The following DOCK1 variants were observed in gnomAD, a reference collection of about 807,000 sequenced individuals.
DOCK1 encodes the protein dedicator of cytokinesis protein 1.
DOCK1 carries 138 observed loss-of-function variants against 262.7 expected under a neutral mutation model. The observed-to-expected ratio is 0.53, with a 90% CI of 0.46 to 0.61. The LOEUF (loss-of-function observed/expected upper bound fraction) is 0.61, where lower values mean the gene tolerates loss of function less well. Among genes scored for constraint, DOCK1 ranks in the 20% least tolerant of loss-of-function variants. DOCK1 has a pLI of 0.00. For missense variants in DOCK1, 1,908 were observed against 2,370.7 expected, an observed-to-expected ratio of 0.80 and a Z score of 4.05; for synonymous variants, 866 against 867.4, an observed-to-expected ratio of 1.00 and a Z score of 0.03.
At chr10:126,928,237 C>G (rs1338869574) in intron 1 of DOCK1, among the ~76,000 whole-genome samples, 1 of 152,216 alleles carries the variant, frequency 6.6e-6, no homozygotes, top group Non-Finnish European at 1.5e-5. Flanking sequence ...ACAGCATGAG[C>G]TCGTGGGACC....
chr10:127,434,044 C>G (rs1483049974), intron 48 of DOCK1, among the ~76,000 whole-genome samples: 3 of 152,062 alleles, frequency 2.0e-5, no homozygotes. Context: ...CGGACAGGAG[C>G]TGGTGTGGTC....
chr10:127,215,064 G>A (rs1200364457), intron 27 of DOCK1, among the ~76,000 whole-genome samples: 1 of 151,960 alleles, frequency 6.6e-6, no homozygotes, highest in African/African-American at 2.4e-5. Context: ...TTCACCCAGG[G>A]CCTCCCTTTG....
At chr10:127,355,361 A>AG (rs2064095014) in intron 32 of DOCK1, among the ~76,000 whole-genome samples, 1 of 152,186 alleles carries the variant, frequency 6.6e-6, no homozygotes, top group South Asian at 2.1e-4. Context: ...ACTGACAATA[A>AG]CTTGGTATCT....
chr10:127,267,228 A>C (rs1486050676), intron 29 of DOCK1, among the ~76,000 whole-genome samples: 1 of 152,188 alleles, frequency 6.6e-6, no homozygotes, highest in African/African-American at 2.4e-5. Context: ...AGCCCACTGC[A>C]CCTTGGGATG....
chr10:127,361,990 T>A (rs1192307286), intron 32 of DOCK1, 74 bp from the exon 33 acceptor site: 4 of 1,436,846 alleles, frequency 2.8e-6, no homozygotes, highest in Non-Finnish European at 2.8e-6. Flanking sequence ...TGTGTTGTGT[T>A]GTTTTATCCA....
intron 19 of DOCK1, among the ~76,000 whole-genome samples, chr10:127,038,538 A>G (rs1193001232): frequency 6.6e-6 from 1 of 152,144 alleles, no homozygotes; most frequent in Non-Finnish European, 1.5e-5. Context: ...TGCCATCAGC[A>G]TTCGTACTAG....
chr10:127,191,261 C>T (rs1291714856), intron 27 of DOCK1, among the ~76,000 whole-genome samples: 1 of 152,098 alleles, frequency 6.6e-6, no homozygotes, highest in Non-Finnish European at 1.5e-5. Flanking sequence ...CACTTCCTTG[C>T]CACCTCCTCC....
Position 127,353,806 on chromosome 10 carries a change from C to G in DOCK1, c.3225-863C>G, listed in dbSNP as rs184269245. The stretch of plus-strand genomic sequence containing the variant: ...GGTGCTTAGGGCACCAGAGTCTTCT[C>G]TAATAAGGTGGCAGCTGGCCGCGGT... On this transcript the variant is annotated intron_variant, in intron 31 of 51. Coordinates refer to ENST00000623213, the MANE Select transcript of DOCK1 (RefSeq NM_001290223.2). Among the ~76,000 whole-genome samples the G allele has an allele frequency of 3.9e-5, 6 of 152,290 alleles. No homozygotes were observed. In the East Asian group the frequency reaches 1.2e-3, roughly 29 times the overall value.
chr10:127,447,681 T>C (rs912508602), intron 51 of DOCK1, 136 bp downstream of exon 51: 5 of 1,383,002 alleles, frequency 3.6e-6, no homozygotes, highest in Non-Finnish European at 4.8e-6. Context: ...TGGGCCCGGG[T>C]TTGATTTTGC....
chr10:127,352,321 T>A (rs973539195), intron 31 of DOCK1, among the ~76,000 whole-genome samples: 1 of 7,764 alleles, frequency 1.3e-4, no homozygotes, highest in Non-Finnish European at 2.5e-4. Flanking sequence ...CGGGGAGGGG[T>A]GGGGAGGGGC....
In DOCK1 at chr10:127,127,854, C is replaced by T. The variant is rs548010157; in HGVS notation, c.2847+90C>T. 172 of 1,083,488 alleles carry T rather than the reference C, an allele frequency of 1.6e-4. 1 individual carries two copies. In the African/African-American group the frequency reaches 2.3e-3, roughly 15 times the overall value. 67.1% of individuals were successfully genotyped at this position (1,083,488 alleles called of 1,614,324 possible). On this transcript the variant is annotated intron_variant, in intron 27 of 51. Coordinates refer to ENST00000623213, the MANE Select transcript of DOCK1 (RefSeq NM_001290223.2). ...TGTTTGAACATAGCTTATTATACTG[C>T]AATGTAGTGAGCAGTTGAGATACAG...
intron 1 of DOCK1, among the ~76,000 whole-genome samples, chr10:126,915,274 C>G (rs2032326592): frequency 6.6e-6 from 1 of 152,126 alleles, no homozygotes; most frequent in Admixed American, 6.5e-5. Context: ...TGTTCATGTC[C>G]CTATAAAGAC....
chr10:127,020,664 G>T (rs1329501984), intron 13 of DOCK1, among the ~76,000 whole-genome samples: 1 of 152,132 alleles, frequency 6.6e-6, no homozygotes, highest in Non-Finnish European at 1.5e-5. Context: ...GGTTCCATGT[G>T]CTGAGTCCTC....
chr10:126,963,135 G>A (rs1376362250), intron 1 of DOCK1, among the ~76,000 whole-genome samples: 8 of 152,306 alleles, frequency 5.3e-5, no homozygotes, highest in Admixed American at 3.3e-4. Flanking sequence ...TAGCTTTGTA[G>A]TAGGTATTGA....
chr10:127,178,997 G>A (rs966377796), intron 27 of DOCK1, among the ~76,000 whole-genome samples: 2 of 152,164 alleles, frequency 1.3e-5, no homozygotes, highest in African/African-American at 2.4e-5. Context: ...GTCCAGGTAT[G>A]TCAGAATGTA....
chr10:127,111,923 A>G (rs985702255), intron 25 of DOCK1, among the ~76,000 whole-genome samples: 1 of 152,068 alleles, frequency 6.6e-6, no homozygotes, highest in Non-Finnish European at 1.5e-5. Context: ...ATATATTTAC[A>G]TATATTTTTA....
intron 21 of DOCK1, among the ~76,000 whole-genome samples, chr10:127,046,301 T>C (rs1233085325): frequency 6.6e-6 from 1 of 152,178 alleles, no homozygotes; most frequent in Non-Finnish European, 1.5e-5. Flanking sequence ...AGGTGTGTTT[T>C]CCAGCCAATG....
In DOCK1 at chr10:127,444,223, A is replaced by G. The variant is rs2070380192; in HGVS notation, c.5357A>G (p.Gln1786Arg). The change falls in exon 50 of 52, where the codon CAG becomes CGG. Residue 1786 changes from glutamine to arginine, a missense_variant. Gln to Arg is a conservative substitution (Grantham distance 43). This residue lies in a region of DOCK1 where 383 missense variants were observed against 420.1 expected (regional missense o/e 0.91). Coordinates refer to ENST00000623213, the MANE Select transcript of DOCK1 (RefSeq NM_001290223.2). ...GTGTCCCCCTCGTCACCGTCCTCCC[A>G]GCAAACACCCCCTCCAGTTACACCA... ...FSVSPSSPSSQQTPPPVTPRA... is the reference protein window; with the variant it reads ...FSVSPSSPSSRQTPPPVTPRA... 1 of 1,612,064 alleles carries G rather than the reference A, an allele frequency of 6.2e-7. No individual in the cohort carries two copies. The highest frequency in any genetic ancestry group is 8.5e-7 in the Non-Finnish European group (1 of 1,179,448).
intron 29 of DOCK1, among the ~76,000 whole-genome samples, chr10:127,324,537 G>A (rs933147366): frequency 1.3e-5 from 2 of 152,048 alleles, no homozygotes; most frequent in African/African-American, 4.8e-5. Context: ...TGGCGGCTGA[G>A]GTCTCATCCA....
Sources: gnomAD v4.1 joint callset for allele counts (sites outside exome capture counted in the v4.1 genomes callset) on GRCh38, gnomAD v4.1.1 for gene constraint, gnomAD v4.1.1 regional missense constraint, MANE v1.5 for transcripts, NCBI Gene and HGNC (gene_info 2026-07-23, HGNC 2026-07-21) for gene names.